CASD1: variants seen among roughly 807,000 people sequenced by gnomAD.
CASD1 encodes the protein CAS1 domain sialic acid O acetyltransferase 1.
Under a neutral mutation model 100.0 loss-of-function variants are expected in CASD1, and 41 were observed. That is an observed-to-expected ratio of 0.41 (90% CI 0.32 to 0.53). The LOEUF (loss-of-function observed/expected upper bound fraction) is 0.53, where lower values mean the gene tolerates loss of function less well. Among genes scored for constraint, CASD1 ranks in the 20% least tolerant of loss-of-function variants. The pLI is 0.25. For synonymous variants in CASD1, 321 were observed against 315.6 expected (o/e 1.02, Z -0.18); for missense variants, 774 against 948.7 (o/e 0.82, Z 2.42).
the CASD1 span, among the ~76,000 whole-genome samples, chr7:94,603,688 A>G: frequency 6.6e-6 from 1 of 152,122 alleles, no homozygotes; most frequent in African/African-American, 2.4e-5. Context: ...TCTCCATTCT[A>G]TGTTAATTTC....
At chr7:94,606,235 T>C in the CASD1 span, among the ~76,000 whole-genome samples, 1 of 152,124 alleles carries the variant, frequency 6.6e-6, no homozygotes, top group African/African-American at 2.4e-5. Context: ...ATAAAAAATA[T>C]CTACTTTAAA....
At chr7:94,628,496 T>C in the CASD1 span, 1 of 642,420 alleles carries the variant, frequency 1.6e-6, no homozygotes, top group East Asian at 2.8e-5. Flanking sequence ...ACAAAACCCA[T>C]CTGGGAATTT....
In CASD1 at chr7:94,537,764, C is replaced by T. The variant is rs146090373; in HGVS notation, c.1136C>T (p.Ala379Val). The change falls in exon 9 of 18, where the codon GCA (alanine) becomes GTA (valine). Residue 379 changes from alanine to valine, a missense_variant. This residue lies in a region of CASD1 where 453 missense variants were observed against 532.6 expected (regional missense o/e 0.85). Transcript: ENST00000297273. ...TTCTGCAAACTTGGCCTGATTATGGCATATTTCTATATGTGTGACCGTGCA... is the reference window on the plus strand; with the variant it reads ...TTCTGCAAACTTGGCCTGATTATGGTATATTTCTATATGTGTGACCGTGCA... ...QSFCKLGLIMAYFYMCDRANL... is the reference protein window; with the variant it reads ...QSFCKLGLIMVYFYMCDRANL... The T allele has an allele frequency of 5.6e-5, 91 of 1,613,592 alleles. No individual in the cohort carries two copies. The African/African-American group carries it at 1.1e-3, about 20-fold the overall frequency.
the CASD1 span, among the ~76,000 whole-genome samples, chr7:94,592,006 A>G: frequency 6.6e-6 from 1 of 152,162 alleles, no homozygotes; most frequent in Non-Finnish European, 1.5e-5. Flanking sequence ...TGTGTGCGCA[A>G]AAAGGTGCTC....
chr7:94,510,354 G>A (rs1359525842), intron 1 of CASD1, 137 bp downstream of exon 1: 2 of 594,866 alleles, frequency 3.4e-6, no homozygotes, highest in South Asian at 3.9e-5. Flanking sequence ...GGTTCCCCCA[G>A]GTGTCCCCAG....
Position 94,555,781 on chromosome 7 carries a change from T to A in CASD1, c.*23T>A. 1 of 1,601,122 alleles carries A rather than the reference T, an allele frequency of 6.2e-7. No individual in the cohort carries two copies. Among genetic ancestry groups the A allele is most frequent in the Middle Eastern group, 1.8e-4 (1 of 5,708 alleles). ...TAGGTTCCAAAAATTCTAAAAAACC[T>A]AAACTCTTCAGGCTACCTTTGTGTG... On this transcript the variant is annotated 3_prime_UTR_variant, in exon 18 of 18. Transcript: ENST00000297273.
the CASD1 span, among the ~76,000 whole-genome samples, chr7:94,575,039 A>G: frequency 2.6e-5 from 4 of 152,048 alleles, 1 homozygote; most frequent in East Asian, 7.7e-4. Context: ...TTCATGTCTC[A>G]GTCTCCTTCA....
intron 3 of CASD1, among the ~76,000 whole-genome samples, chr7:94,521,719 A>G (rs1794285255): frequency 1.3e-5 from 2 of 152,212 alleles, no homozygotes; most frequent in South Asian, 4.1e-4. Context: ...ATGTCTATGT[A>G]AAAAGCTGTT....
chr7:94,600,597 G>T, the CASD1 span: 2 of 1,365,286 alleles, frequency 1.5e-6, no homozygotes, highest in Non-Finnish European at 1.0e-6. Context: ...CTTCTATGTT[G>T]TTATCTTAGC....
At chr7:94,558,881 C>A (rs1446464358), downstream of CASD1, among the ~76,000 whole-genome samples, 15 of 152,042 alleles carry the variant, frequency 9.9e-5, no homozygotes, top group Admixed American at 9.2e-4. Flanking sequence ...CTTACTGCAA[C>A]CTCCGCCTCC....
chr7:94,600,870 A>C, the CASD1 span: 2 of 1,590,274 alleles, frequency 1.3e-6, no homozygotes, highest in South Asian at 2.2e-5. Flanking sequence ...GATATAAAAG[A>C]AGACAATTAC....
the CASD1 span, among the ~76,000 whole-genome samples, chr7:94,574,041 G>A: frequency 1.3e-5 from 2 of 152,150 alleles, no homozygotes; most frequent in East Asian, 1.9e-4. Flanking sequence ...TTATTGATTT[G>A]TGTATGTTGA....
chr7:94,555,418 G>T (rs1796154016), intron 17 of CASD1, 74 bp from the exon 18 acceptor site: 9 of 1,425,038 alleles, frequency 6.3e-6, no homozygotes, highest in Non-Finnish European at 6.7e-6. Flanking sequence ...CAACCAAATT[G>T]TTTAAATTAG....
the CASD1 span, chr7:94,600,899 C>G: frequency 6.1e-6 from 9 of 1,478,954 alleles, no homozygotes; most frequent in Admixed American, 1.8e-5. Context: ...TTAATCGTTG[C>G]AAACATTATG....
the CASD1 span, among the ~76,000 whole-genome samples, chr7:94,567,093 A>G: frequency 6.6e-6 from 1 of 151,956 alleles, no homozygotes; most frequent in East Asian, 1.9e-4. Context: ...TGTGATGTTT[A>G]GTCTTACTGC....
chr7:94,598,416 A>G, the CASD1 span: 1 of 253,500 alleles, frequency 3.9e-6, no homozygotes, highest in African/African-American at 2.3e-5. Context: ...TTTAAACCAA[A>G]TAATTCTAAT....
At chr7:94,603,351 A>G in the CASD1 span, 7 of 1,612,674 alleles carry the variant, frequency 4.3e-6, no homozygotes, top group Non-Finnish European at 5.9e-6. Context: ...ACATGTTATT[A>G]CAGGCTCCAT....
At chr7:94,596,817 G>T in the CASD1 span, among the ~76,000 whole-genome samples, 1 of 151,958 alleles carries the variant, frequency 6.6e-6, no homozygotes, top group Non-Finnish European at 1.5e-5. Context: ...TTTTCCAAGT[G>T]TATTTGATCA....
chr7:94,588,963 C>T, the CASD1 span: 1 of 538,504 alleles, frequency 1.9e-6, no homozygotes, highest in South Asian at 2.1e-5. Context: ...GGGCTATACT[C>T]TAAAGTACCT....
Sources: gnomAD v4.1 joint callset for allele counts (sites outside exome capture counted in the v4.1 genomes callset) on GRCh38, gnomAD v4.1.1 for gene constraint, gnomAD v4.1.1 regional missense constraint, MANE v1.5 for transcripts, NCBI Gene and HGNC (gene_info 2026-07-23, HGNC 2026-07-21) for gene names.